BPTF: variants seen among roughly 807,000 people sequenced by gnomAD.
BPTF encodes the protein bromodomain PHD finger transcription factor.
A neutral mutation model predicts 292.5 loss-of-function variants in BPTF; 18 were observed. The observed-to-expected ratio is 0.06, with a 90% confidence interval of 0.04 to 0.09. The LOEUF is 0.09. Among genes scored for constraint, BPTF ranks in the 10% least tolerant of loss-of-function variants. The pLI is 1.00. For missense variants in BPTF, 2,726 were observed against 3,498.7 expected, an observed-to-expected ratio of 0.78 and a Z score of 5.57; for synonymous variants, 1,225 against 1,251.9, an observed-to-expected ratio of 0.98 and a Z score of 0.45.
At position 67,843,754 on chromosome 17, in the gene BPTF, C is replaced by CTTTTTTTTTTTTTTTTTTTTTT. The variant is rs56335701; in HGVS notation, c.614-10179_614-10158dup. Among the ~76,000 whole-genome samples, 6 of 62,228 alleles carry CTTTTTTTTTTTTTTTTTTTTTT rather than the reference C, an allele frequency of 9.6e-5. 1 individual carries two copies. Among genetic ancestry groups the CTTTTTTTTTTTTTTTTTTTTTT allele is most frequent in the African/African-American group, 5.0e-4 (6 of 11,926 alleles). The allele number at this position is 62,228 out of a possible 152,430, so 40.8% of individuals were successfully genotyped here. A position where few individuals can be genotyped will look rare whatever the true frequency, so the allele number is the denominator to read the frequency against. ...TTTTTAAATTGTCTGGAGCAGTTGT[C>CTTTTTTTTTTTTTTTTTTTTTT]TTTTTTTTTTTTTTTTTTTTTTTTT... On this transcript the variant is annotated intron_variant, in intron 1 of 27. Transcript: ENST00000306378.
At chr17:67,945,355 A>G in intron 20 of BPTF, 54 bp from the exon 21 acceptor site, 1 of 1,549,248 alleles carries the variant, frequency 6.5e-7, no homozygotes, top group Non-Finnish European at 8.7e-7. Flanking sequence ...TTCTTCTTTA[A>G]CCACAGTTTT....
At chr17:67,913,590 C>T (rs191212027) in intron 11 of BPTF, among the ~76,000 whole-genome samples, 125 of 152,194 alleles carry the variant, frequency 8.2e-4, no homozygotes, top group East Asian at 3.1e-3. Flanking sequence ...GACATAAACA[C>T]GCCTGTAAAT....
At chr17:67,933,913 G>A (rs1034762742) in intron 18 of BPTF, among the ~76,000 whole-genome samples, 2 of 151,546 alleles carry the variant, frequency 1.3e-5, no homozygotes. Context: ...ATAAAAATTA[G>A]CCAGGCCTGG....
intron 23 of BPTF, among the ~76,000 whole-genome samples, chr17:67,950,217 T>C (rs900823632): frequency 1.3e-5 from 2 of 151,738 alleles, no homozygotes; most frequent in Admixed American, 6.6e-5. Flanking sequence ...TGCGAAATCA[T>C]GCCATTGCCC....
chr17:67,874,817 A>T lies in BPTF; in HGVS notation c.1661A>T (p.Glu554Val), dbSNP rs375245234. 3.7e-5 allele frequency: 60 copies of T among 1,602,516 alleles called. No individual in the cohort carries two copies. Among genetic ancestry groups the T allele is most frequent in the Non-Finnish European group, 4.5e-5 (53 of 1,175,520 alleles). ...TTTTTGTTTGTTTTACACATTATAG[A>T]AGAAATTTTGGAATCCATAAGAGCC... ...SNKSFLAAAN[E>V]EILESIRAKK... The change falls in exon 4 of 28, where the codon GAA (glutamate) becomes GTA (valine). Residue 554 changes from glutamate to valine, a missense_variant and splice_region_variant. Coordinates refer to ENST00000306378, the MANE Select transcript of BPTF (RefSeq NM_182641.4).
Position 67,853,944 on chromosome 17 carries a change from G to A in BPTF, c.618G>A (p.Arg206=). The change falls in exon 2 of 28, where the codon AGG becomes AGA. Residue 206 remains arginine, a synonymous_variant. Transcript: ENST00000306378. ...SHSTYSSTPG[R]RKPRVHRPRS... Reference sequence around the variant, plus strand: ...ATGTCACGTCTTTATCTACAGGTAGGCGAAAACCAAGAGTACATCGGCCTC... The same window carrying A: ...ATGTCACGTCTTTATCTACAGGTAGACGAAAACCAAGAGTACATCGGCCTC... 1 of 1,605,830 alleles carries A rather than the reference G, an allele frequency of 6.2e-7. No homozygotes were observed. Among genetic ancestry groups the A allele is most frequent in the Non-Finnish European group, 8.5e-7 (1 of 1,174,080 alleles).
intron 1 of BPTF, among the ~76,000 whole-genome samples, chr17:67,834,316 G>C (rs2056959260): frequency 6.6e-6 from 1 of 152,104 alleles, no homozygotes; most frequent in African/African-American, 2.4e-5. Context: ...CATTTTTAGA[G>C]GTTTGTTTTG....
At chr17:67,873,992 C>A (rs1048435283) in intron 3 of BPTF, among the ~76,000 whole-genome samples, 2 of 150,448 alleles carry the variant, frequency 1.3e-5, no homozygotes, top group Admixed American at 6.6e-5. Flanking sequence ...TAAGAAAATG[C>A]TGGATGGATG....
At chr17:67,981,442 A>C (rs1330026053) in intron 27 of BPTF, 1 of 1,231,492 alleles carries the variant, frequency 8.1e-7, no homozygotes. Flanking sequence ...ACAGATTGTG[A>C]TATCTTTAGT....
chr17:67,848,582 A>C (rs887060428), intron 1 of BPTF, among the ~76,000 whole-genome samples: 7 of 152,092 alleles, frequency 4.6e-5, no homozygotes, highest in Admixed American at 2.0e-4. Context: ...TATGTAGGCA[A>C]ACTTTTTTTT....
rs951661345 is a variant in BPTF, at chr17:67,920,244, A to G, written c.5557+101A>G. On this transcript the variant is annotated intron_variant, in intron 13 of 27. Coordinates refer to ENST00000306378, the MANE Select transcript of BPTF (RefSeq NM_182641.4). ...TTTTCTTCTCTGTTCACCTTTTAAA[A>G]AAGACATATTTTACAACTACCAAAT... is the stretch of plus-strand genomic sequence containing the variant. The G allele has an allele frequency of 4.4e-5, 60 of 1,368,938 alleles. No individual in the cohort carries two copies. The African/African-American group carries it at 8.2e-4, about 19-fold the overall frequency. 84.8% of individuals were successfully genotyped at this position (1,368,938 alleles called of 1,614,324 possible).
chr17:67,853,880 G>T, intron 1 of BPTF, 60 bp from the exon 2 acceptor site: 1 of 1,367,908 alleles, frequency 7.3e-7, no homozygotes, highest in Non-Finnish European at 1.0e-6. Context: ...GTTCAAATAG[G>T]AAATTTGTAG....
rs1253679254 is a variant in BPTF at position 67,830,635 on chromosome 17, G to A, written c.613+4298G>A. 4.6e-5 allele frequency among the ~76,000 whole-genome samples: 7 copies of A among 152,188 alleles called. No homozygotes were observed. The East Asian group carries it at 1.4e-3, about 29-fold the overall frequency. ...AAAGGCAGATTGAGGGAGGGAGGGA[G>A]GGAGAGGGAGCGGGAGCGGGAGGGA... On this transcript the variant is annotated intron_variant, in intron 1 of 27. Transcript: ENST00000306378.
chr17:67,929,430 A>G lies in BPTF; in HGVS notation c.6093A>G (p.Ala2031=), dbSNP rs1183883900. 1.9e-6 allele frequency: 3 copies of G among 1,614,200 alleles called. No homozygotes were observed. Among genetic ancestry groups the G allele is most frequent in the Non-Finnish European group, 2.5e-6 (3 of 1,180,030 alleles). ...QTFTSFQPRT[A]TVTIRPNTSG... Reference sequence around the variant, plus strand: ...TTACTTCATTCCAGCCCAGGACAGCAACAGTCACAATTAGGCCCAATACCT... The same window carrying G: ...TTACTTCATTCCAGCCCAGGACAGCGACAGTCACAATTAGGCCCAATACCT... The change falls in exon 17 of 28, where the codon GCA becomes GCG. Residue 2031 remains alanine, a synonymous_variant. Transcript: ENST00000306378.
intron 26 of BPTF, among the ~76,000 whole-genome samples, chr17:67,967,278 A>G (rs1188517909): frequency 6.7e-6 from 1 of 149,928 alleles, no homozygotes; most frequent in East Asian, 2.1e-4. Flanking sequence ...AGTAGCTGGG[A>G]CTACAGGCAT....
At chr17:67,975,309 A>G (rs1340890068) in intron 26 of BPTF, 1 of 152,698 alleles carries the variant, frequency 6.5e-6, no homozygotes, top group Non-Finnish European at 1.5e-5. Flanking sequence ...GTCACAAATA[A>G]AAGGTAACAA....
intron 27 of BPTF, among the ~76,000 whole-genome samples, chr17:67,979,019 C>T (rs1407556688): frequency 1.3e-5 from 2 of 150,372 alleles, no homozygotes; most frequent in African/African-American, 2.4e-5. Context: ...TTACAAAACA[C>T]AAAAATTAGC....
At position 67,928,577 on chromosome 17, in the gene BPTF, G is replaced by A. The variant is rs765631305; in HGVS notation, c.5974G>A (p.Val1992Ile). ...CTTTCATCAAACCTTTGCTACATGG[G>A]TTAAGCAAGGCCAGTCAAATTCAGG... ...KNFHQTFATW[V>I]KQGQSNSGVV... The change falls in exon 16 of 28, where the codon GTT becomes ATT. Residue 1992 changes from valine (V) to isoleucine (I), a missense_variant. By Grantham distance (29) the Val-to-Ile change is conservative (BLOSUM62 3). This residue lies in a region of BPTF where 198 missense variants were observed against 277.1 expected (regional missense o/e 0.71). Coordinates refer to ENST00000306378, the MANE Select transcript of BPTF (RefSeq NM_182641.4). 1.7e-5 allele frequency: 27 copies of A among 1,613,512 alleles called. No individual in the cohort carries two copies. The East Asian group carries it at 5.6e-4, about 33-fold the overall frequency.
intron 18 of BPTF, 40 bp downstream of exon 18, chr17:67,932,059 G>A: frequency 6.6e-7 from 1 of 1,521,630 alleles, no homozygotes; most frequent in East Asian, 2.3e-5. Context: ...CATCTCAACA[G>A]CCAGTCTAGG....
Sources: gnomAD v4.1 joint callset for allele counts (sites outside exome capture counted in the v4.1 genomes callset) on GRCh38, gnomAD v4.1.1 for gene constraint, gnomAD v4.1.1 regional missense constraint, MANE v1.5 for transcripts, NCBI Gene and HGNC (gene_info 2026-07-23, HGNC 2026-07-21) for gene names.